OLFM3: variants seen among roughly 807,000 people sequenced by gnomAD.
OLFM3 encodes olfactomedin 3.
In OLFM3, 20 loss-of-function variants were observed where a neutral mutation model predicts 48.6. The ratio of observed to expected loss-of-function variants is 0.41; its 90% confidence interval spans 0.29 to 0.60. The LOEUF is 0.60. Ranked by LOEUF, OLFM3 falls within the 20% of genes least tolerant of loss-of-function variation. OLFM3 has a pLI of 0.28. For synonymous variants in OLFM3, 222 were observed against 198.1 expected, an observed-to-expected ratio of 1.12 and a Z score of -1.01; for missense variants, 437 against 544.3, an observed-to-expected ratio of 0.80 and a Z score of 1.96.
intron 1 of OLFM3, among the ~76,000 whole-genome samples, chr1:101,907,258 T>C (rs1188924097): frequency 1.3e-5 from 2 of 152,182 alleles, no homozygotes; most frequent in Admixed American, 6.5e-5. Flanking sequence ...AGAGAATATG[T>C]TTAAAATACA....
chr1:101,963,225 TCTTA>T (rs1473119873), intron 1 of OLFM3, among the ~76,000 whole-genome samples: 23 of 152,236 alleles, frequency 1.5e-4, no homozygotes, highest in Non-Finnish European at 2.5e-4. Context: ...TGTGGGAAAT[TCTTA>T]CTTATTTCTT....
chr1:101,951,729 A>G (rs1660149555), intron 1 of OLFM3, among the ~76,000 whole-genome samples: 1 of 152,162 alleles, frequency 6.6e-6, no homozygotes, highest in Non-Finnish European at 1.5e-5. Context: ...TTGCATCTAT[A>G]AAGGTTTCAT....
chr1:101,941,652 A>C (rs11164340), intron 1 of OLFM3, among the ~76,000 whole-genome samples: 60,988 of 151,972 alleles, frequency 0.4, 12,523 homozygotes, highest in East Asian at 0.51. Flanking sequence ...ATTTTAAAGA[A>C]TTTTAAAAAG....
At chr1:101,916,020 C>T (rs149171445) in intron 1 of OLFM3, among the ~76,000 whole-genome samples, 2 of 152,162 alleles carry the variant, frequency 1.3e-5, no homozygotes, top group East Asian at 3.9e-4. Context: ...GAAATTGACA[C>T]AAAAAGACCG....
chr1:101,895,465 A>G (rs1187702482), intron 1 of OLFM3, among the ~76,000 whole-genome samples: 1 of 151,824 alleles, frequency 6.6e-6, no homozygotes, highest in Non-Finnish European at 1.5e-5. Context: ...ACATTTGATT[A>G]CATTAAAATA....
At chr1:101,805,354 A>T (rs1241815621) in intron 5 of OLFM3, among the ~76,000 whole-genome samples, 1 of 151,906 alleles carries the variant, frequency 6.6e-6, no homozygotes, top group Non-Finnish European at 1.5e-5. Flanking sequence ...AATTGAAATA[A>T]GTACCATAGA....
At position 101,996,744 on chromosome 1, in the gene OLFM3, A is replaced by G. The variant is rs777232942; in HGVS notation, c.69+4T>C. 2 of 1,614,166 alleles carry G rather than the reference A, an allele frequency of 1.2e-6. No individual in the cohort carries two copies. Among genetic ancestry groups the G allele is most frequent in the Non-Finnish European group, 8.5e-7 (1 of 1,179,952 alleles). On this transcript the variant is annotated splice_donor_region_variant and intron_variant, in intron 1 of 5. Coordinates refer to ENST00000370103, the MANE Select transcript of OLFM3 (RefSeq NM_058170.4). ...TCAAACAAGACTCAAAATATTGTTC[A>G]TACCTTGGAAGGATCTAATCCGGCA...
intron 1 of OLFM3, among the ~76,000 whole-genome samples, chr1:101,943,289 C>G (rs982540548): frequency 2.0e-5 from 3 of 152,186 alleles, no homozygotes; most frequent in Admixed American, 2.0e-4. Flanking sequence ...CACCTGTGGA[C>G]AGCGGCTTCA....
At chr1:101,840,085 C>T (rs961292252) in intron 1 of OLFM3, among the ~76,000 whole-genome samples, 3 of 151,638 alleles carry the variant, frequency 2.0e-5, no homozygotes, top group African/African-American at 7.3e-5. Flanking sequence ...TCCATGCTGG[C>T]ATTGAAAAGA....
At chr1:101,806,028 G>A (rs1041226972) in intron 5 of OLFM3, 48 bp downstream of exon 5, 16 of 1,381,118 alleles carry the variant, frequency 1.2e-5, no homozygotes, top group Non-Finnish European at 1.4e-5. Context: ...GAGAAAAAGT[G>A]TAAGCAGAAC....
chr1:101,813,735 G>T (rs1405597799), intron 4 of OLFM3, among the ~76,000 whole-genome samples: 1 of 152,092 alleles, frequency 6.6e-6, no homozygotes, highest in East Asian at 1.9e-4. Context: ...GACTCAAAAT[G>T]CCCAATTGCA....
chr1:101,806,342 C>T (rs565806917), intron 4 of OLFM3, among the ~76,000 whole-genome samples, 160 bp from the exon 5 acceptor site: 50 of 151,892 alleles, frequency 3.3e-4, no homozygotes, highest in African/African-American at 1.2e-3. Context: ...GGTGCTGGGC[C>T]TTTAACCAAA....
Position 101,991,016 on chromosome 1 carries a change from A to AATATATAT in OLFM3, c.69+5724_69+5731dup, listed in dbSNP as rs1215588189. On this transcript the variant is annotated intron_variant, in intron 1 of 5. Transcript: ENST00000370103. ...AAAAAAAAAAAAAAAAAAAAAAAAA[A>AATATATAT]ATATATATATATATATATATATATA... Among the ~76,000 whole-genome samples, 251 of 32,190 alleles carry AATATATAT rather than the reference A, an allele frequency of 7.8e-3. 4 individuals are homozygous for AATATATAT. Among genetic ancestry groups the AATATATAT allele is most frequent in the South Asian group, 0.012 (8 of 682 alleles). 21.1% of individuals were successfully genotyped at this position (32,190 alleles called of 152,430 possible). A position where few individuals can be genotyped will look rare whatever the true frequency, so the allele number is the denominator to read the frequency against.
chr1:101,883,934 A>G lies in OLFM3; in HGVS notation c.70-46909T>C, dbSNP rs377445327. On this transcript the variant is annotated intron_variant, in intron 1 of 5. Coordinates refer to ENST00000370103, the MANE Select transcript of OLFM3 (RefSeq NM_058170.4). Reference sequence around the variant, plus strand: ...TACAAATGGAAATAAAAAACTTACTATCTTTTTTTTTTAATCCTGGTCTGT... The same window carrying G: ...TACAAATGGAAATAAAAAACTTACTGTCTTTTTTTTTTAATCCTGGTCTGT... 1.3e-3 allele frequency among the ~76,000 whole-genome samples: 197 copies of G among 151,668 alleles called. 2 individuals carry two copies. Among genetic ancestry groups the G allele is most frequent in the African/African-American group, 4.3e-3 (177 of 41,236 alleles).
chr1:101,847,024 G>A (rs751610779), intron 1 of OLFM3: 16 of 1,559,586 alleles, frequency 1.0e-5, no homozygotes, highest in African/African-American at 1.4e-5. Context: ...TCCCGGTGCC[G>A]GGCTGGCAGC....
At chr1:101,983,011 CT>C (rs1488688001) in intron 1 of OLFM3, among the ~76,000 whole-genome samples, 7 of 152,058 alleles carry the variant, frequency 4.6e-5, no homozygotes, top group African/African-American at 1.7e-4. Context: ...GATCTTTCAC[CT>C]TGTTTGGAGT....
Position 101,819,811 on chromosome 1 carries a change from C to T in OLFM3, c.592+5215G>A, listed in dbSNP as rs142230588. 4.6e-4 allele frequency among the ~76,000 whole-genome samples: 70 copies of T among 152,160 alleles called. 1 individual carries two copies. In the East Asian group the frequency reaches 0.013, roughly 29 times the overall value. On this transcript the variant is annotated intron_variant, in intron 4 of 5. Coordinates refer to ENST00000370103, the MANE Select transcript of OLFM3 (RefSeq NM_058170.4). ...TTCCATGTAAAGTGATTGCCTCTAA[C>T]ATGAATCTTTGGCAAGTTAATTTAA...
intron 1 of OLFM3, among the ~76,000 whole-genome samples, chr1:101,942,494 G>A (rs891556177): frequency 2.0e-5 from 3 of 152,132 alleles, no homozygotes; most frequent in African/African-American, 7.2e-5. Context: ...TGTAAATGTA[G>A]TTCTTATTTC....
chr1:101,953,977 T>A (rs7544481), intron 1 of OLFM3, among the ~76,000 whole-genome samples: 141,960 of 152,132 alleles, frequency 0.93, 66,475 homozygotes, highest in Middle Eastern at 0.98. Context: ...CAGCTAAGAA[T>A]GTAAGGAAAA....
Sources: allele counts gnomAD v4.1 joint callset (sites outside exome capture counted in the v4.1 genomes callset), GRCh38; gene constraint gnomAD v4.1.1; transcripts MANE v1.5; gene names NCBI Gene and HGNC (gene_info 2026-07-23, HGNC 2026-07-21).